DAB1: variants seen among roughly 807,000 people sequenced by gnomAD.
DAB1 encodes disabled homolog 1.
In DAB1, 15 loss-of-function variants were observed where a neutral mutation model predicts 64.6. The ratio of observed to expected loss-of-function variants is 0.23; its 90% CI spans 0.16 to 0.36. The LOEUF is 0.36. Ranked by LOEUF, DAB1 falls within the 10% of genes least tolerant of loss-of-function variation. The pLI is 1.00. For missense variants in DAB1, 596 were observed against 706.7 expected, an observed-to-expected ratio of 0.84 and a Z score of 1.78; for synonymous variants, 235 against 251.9, an observed-to-expected ratio of 0.93 and a Z score of 0.64.
intron 3 of DAB1, among the ~76,000 whole-genome samples, chr1:58,434,955 C>A (rs1198711626): frequency 2.6e-5 from 4 of 152,170 alleles, no homozygotes; most frequent in Admixed American, 2.6e-4. Context: ...AGTGAAGGAG[C>A]CTTAGTATCA....
At chr1:57,137,882 G>T (rs1357251554) in intron 3 of DAB1, among the ~76,000 whole-genome samples, 1 of 152,046 alleles carries the variant, frequency 6.6e-6, no homozygotes, top group Non-Finnish European at 1.5e-5. Flanking sequence ...CTCACCTTGG[G>T]TATTGGAAAT....
chr1:57,947,165 C>A (rs1188475480), intron 5 of DAB1, among the ~76,000 whole-genome samples: 5 of 152,112 alleles, frequency 3.3e-5, no homozygotes, highest in African/African-American at 1.2e-4. Flanking sequence ...AAGTAACTTG[C>A]CCAGGACCTC....
intron 4 of DAB1, among the ~76,000 whole-genome samples, chr1:58,297,813 T>C (rs1266730106): frequency 6.6e-6 from 1 of 152,170 alleles, no homozygotes; most frequent in Non-Finnish European, 1.5e-5. Context: ...GTAAATATAG[T>C]AGAAGCAGGT....
At chr1:57,545,343 C>A (rs1044197165) in intron 7 of DAB1, among the ~76,000 whole-genome samples, 4 of 152,182 alleles carry the variant, frequency 2.6e-5, no homozygotes, top group African/African-American at 9.6e-5. Flanking sequence ...TTCTTTTATT[C>A]CTTTACTAGT....
intron 6 of DAB1, among the ~76,000 whole-genome samples, chr1:57,806,040 A>G (rs1651345760): frequency 6.6e-6 from 1 of 152,240 alleles, no homozygotes; most frequent in South Asian, 2.1e-4. Flanking sequence ...CCTGTGCCTC[A>G]ATACTCCAAC....
At chr1:57,756,906 C>T (rs537698374) in intron 6 of DAB1, among the ~76,000 whole-genome samples, 166 of 152,074 alleles carry the variant, frequency 1.1e-3, no homozygotes, top group Admixed American at 2.4e-3. Flanking sequence ...AGGAAGGATG[C>T]TGAGCAGAAT....
intron 2 of DAB1, among the ~76,000 whole-genome samples, chr1:57,266,736 G>T (rs767886081): frequency 3.2e-4 from 49 of 152,080 alleles, no homozygotes; most frequent in Non-Finnish European, 2.5e-4. Flanking sequence ...CTGAATGAAT[G>T]GATATATGAT....
chr1:58,443,769 T>A (rs1184093616), intron 3 of DAB1, among the ~76,000 whole-genome samples: 1 of 152,220 alleles, frequency 6.6e-6, no homozygotes, highest in Non-Finnish European at 1.5e-5. Context: ...TATAAATAAA[T>A]AAGCAATCAT....
intron 7 of DAB1, among the ~76,000 whole-genome samples, chr1:57,517,276 C>T (rs1038103859): frequency 2.6e-5 from 4 of 152,182 alleles, no homozygotes; most frequent in South Asian, 4.1e-4. Context: ...ATCCTCCTTT[C>T]TCAGACTTGT....
intron 5 of DAB1, among the ~76,000 whole-genome samples, chr1:58,064,186 A>C (rs539695927): frequency 3.1e-4 from 47 of 152,328 alleles, no homozygotes; most frequent in African/African-American, 1.1e-3. Flanking sequence ...CGTAGCGCAC[A>C]TAATTTGCAA....
chr1:57,186,959 A>T (rs1663628047), intron 2 of DAB1, among the ~76,000 whole-genome samples: 1 of 152,076 alleles, frequency 6.6e-6, no homozygotes, highest in Admixed American at 6.6e-5. Flanking sequence ...AATTTTTGTC[A>T]TTTCTATTTT....
At chr1:58,371,606 C>G (rs1644264582) in intron 3 of DAB1, among the ~76,000 whole-genome samples, 1 of 152,204 alleles carries the variant, frequency 6.6e-6, no homozygotes, top group African/African-American at 2.4e-5. Flanking sequence ...GAAAATGTCT[C>G]CAGGGCATTT....
intron 5 of DAB1, among the ~76,000 whole-genome samples, chr1:57,966,863 G>A (rs1645678801): frequency 6.6e-6 from 1 of 152,148 alleles, no homozygotes; most frequent in Non-Finnish European, 1.5e-5. Flanking sequence ...TATTCATCTT[G>A]TGGTCATGAT....
At chr1:58,474,515 T>C (rs1279388227) in intron 3 of DAB1, among the ~76,000 whole-genome samples, 1 of 152,160 alleles carries the variant, frequency 6.6e-6, no homozygotes, top group Admixed American at 6.5e-5. Context: ...TTTGGGTACC[T>C]GTTAGGGTCC....
At chr1:57,007,878 A>T (rs1383837124) in intron 14 of DAB1, among the ~76,000 whole-genome samples, 1 of 152,202 alleles carries the variant, frequency 6.6e-6, no homozygotes. Flanking sequence ...GTAAATTTTC[A>T]GTTGGGTGGA....
intron 4 of DAB1, among the ~76,000 whole-genome samples, chr1:58,319,741 CTT>C (rs1183893993): frequency 1.3e-5 from 2 of 152,210 alleles, no homozygotes; most frequent in African/African-American, 4.8e-5. Context: ...GCCAAGGTCT[CTT>C]TGTAAAAGTA....
intron 3 of DAB1, among the ~76,000 whole-genome samples, chr1:58,403,094 T>C (rs1164409628): frequency 1.3e-5 from 2 of 152,190 alleles, no homozygotes; most frequent in Non-Finnish European, 2.9e-5. Context: ...TAGGATTCAT[T>C]GCAGTTGAGT....
At chr1:57,115,760 T>A (rs1319306184) in intron 4 of DAB1, among the ~76,000 whole-genome samples, 1 of 152,014 alleles carries the variant, frequency 6.6e-6, no homozygotes, top group Admixed American at 6.6e-5. Flanking sequence ...TTCTTAAAGG[T>A]GAAAACACTC....
At chr1:57,144,085 G>A (rs2100819510) in intron 3 of DAB1, among the ~76,000 whole-genome samples, 2 of 151,794 alleles carry the variant, frequency 1.3e-5, no homozygotes, top group African/African-American at 4.8e-5. Context: ...AAAAGAACTT[G>A]TAAATTATAC....
Sources: gnomAD v4.1 joint callset for allele counts (sites outside exome capture counted in the v4.1 genomes callset) on GRCh38, gnomAD v4.1.1 for gene constraint, MANE v1.5 for transcripts, NCBI Gene and HGNC (gene_info 2026-07-23, HGNC 2026-07-21) for gene names.